GRIA2: variants seen among roughly 807,000 people sequenced by gnomAD.
GRIA2 encodes the protein glutamate receptor 2.
A neutral mutation model predicts 97.3 loss-of-function variants in GRIA2; 14 were observed. The ratio of observed to expected loss-of-function variants is 0.14; its 90% confidence interval spans 0.10 to 0.23. The LOEUF is 0.23. Ranked by LOEUF, GRIA2 falls within the 10% of genes least tolerant of loss-of-function variation. The probability of loss-of-function intolerance (pLI) is 1.00; values close to 1 mark genes in which losing one functional copy is unlikely to be tolerated. For synonymous variants in GRIA2, 412 were observed against 387.8 expected (o/e 1.06, Z -0.73); for missense variants, 558 against 1,069.8 (o/e 0.52, Z 6.67).
intron 3 of GRIA2, among the ~76,000 whole-genome samples, chr4:157,310,880 A>T (rs1477125386): frequency 6.6e-6 from 1 of 152,062 alleles, no homozygotes; most frequent in Non-Finnish European, 1.5e-5. Context: ...AAGTGTGATG[A>T]AATTCAAGTT....
chr4:157,321,455 C>A lies in GRIA2; in HGVS notation c.738C>A (p.Asp246Glu), dbSNP rs563587841. ...IIANLGFTDGDLLKIQFGGAN... is the reference protein window; with the variant it reads ...IIANLGFTDGELLKIQFGGAN... Reference sequence around the variant, plus strand: ...ATGTTTAGGGATTTACTGATGGAGACCTATTAAAAATCCAGTTTGGAGGTG... The same window carrying A: ...ATGTTTAGGGATTTACTGATGGAGAACTATTAAAAATCCAGTTTGGAGGTG... Residue 246 changes from aspartate to glutamate, a missense_variant, in exon 6 of 16, where the codon GAC becomes GAA. By Grantham distance (45) the Asp-to-Glu change is conservative. Coordinates refer to ENST00000264426, the MANE Select transcript of GRIA2 (RefSeq NM_001083619.3). 8.7e-6 allele frequency: 14 copies of A among 1,610,108 alleles called. No individual in the cohort carries two copies. In the African/African-American group the frequency reaches 1.9e-4, roughly 21 times the overall value.
intron 11 of GRIA2, among the ~76,000 whole-genome samples, chr4:157,338,462 C>T (rs1459046739): frequency 1.3e-5 from 2 of 151,900 alleles, no homozygotes; most frequent in Non-Finnish European, 2.9e-5. Flanking sequence ...GAGTGGGAAA[C>T]CTATTTGCAC....
intron 6 of GRIA2, among the ~76,000 whole-genome samples, chr4:157,330,066 C>G (rs1201003796): frequency 6.6e-6 from 1 of 151,964 alleles, no homozygotes; most frequent in Non-Finnish European, 1.5e-5. Context: ...CTGTCTACCT[C>G]AGGCTTGTCA....
intron 12 of GRIA2, among the ~76,000 whole-genome samples, chr4:157,347,474 T>C (rs1735812408): frequency 6.6e-6 from 1 of 151,428 alleles, no homozygotes; most frequent in African/African-American, 2.5e-5. Context: ...ATGAGAACGA[T>C]TAATCTAGAA....
intron 2 of GRIA2, among the ~76,000 whole-genome samples, chr4:157,222,639 G>A (rs1729554010): frequency 1.3e-5 from 2 of 152,220 alleles, no homozygotes; most frequent in Non-Finnish European, 2.9e-5. Context: ...GAGGCAGCCG[G>A]GGAAAAGGAC....
chr4:157,342,553 A>G, intron 12 of GRIA2: 2 of 471,394 alleles, frequency 4.2e-6, no homozygotes, highest in Non-Finnish European at 5.6e-6. Context: ...TGAATCTTGT[A>G]ATGTAGATTT....
intron 2 of GRIA2, among the ~76,000 whole-genome samples, chr4:157,262,425 T>C (rs1252860222): frequency 6.6e-6 from 1 of 152,034 alleles, no homozygotes; most frequent in East Asian, 1.9e-4. Context: ...TAGAAGTTAT[T>C]GGGCCAATCT....
At chr4:157,248,593 G>A (rs13114060) in intron 2 of GRIA2, among the ~76,000 whole-genome samples, 58 of 2,466 alleles carry the variant, frequency 0.024, no homozygotes, top group South Asian at 0.081. Flanking sequence ...GTGTATATAT[G>A]TATATATATG....
Position 157,327,589 on chromosome 4 carries a change from AT to A in GRIA2, c.883-5225del, listed in dbSNP as rs1221979906. On this transcript the variant is annotated intron_variant, in intron 6 of 15. Transcript: ENST00000264426. ...TTCTATTTTTAGACTGATTTTTAGTATTTTTAATGTCTCCAACATCGTGTAA... is the reference window on the plus strand; with the variant it reads ...TTCTATTTTTAGACTGATTTTTAGTATTTTAATGTCTCCAACATCGTGTAA... Among the ~76,000 whole-genome samples, 5 of 152,122 alleles carry A rather than the reference AT, an allele frequency of 3.3e-5. No homozygotes were observed. The East Asian group carries it at 5.8e-4, about 18-fold the overall frequency.
At chr4:157,296,215 T>C (rs1466675896) in intron 2 of GRIA2, among the ~76,000 whole-genome samples, 1 of 152,138 alleles carries the variant, frequency 6.6e-6, no homozygotes, top group Non-Finnish European at 1.5e-5. Flanking sequence ...TTTTTTCCTA[T>C]TAGGAGAATG....
intron 12 of GRIA2, among the ~76,000 whole-genome samples, chr4:157,358,233 A>G (rs1736478487): frequency 6.6e-6 from 1 of 152,186 alleles, no homozygotes; most frequent in African/African-American, 2.4e-5. Flanking sequence ...ACAAACAAGC[A>G]GTTTCTACAG....
At position 157,363,502 on chromosome 4, in the gene GRIA2, GAC is replaced by G; in HGVS notation, c.*72_*73del. 1 of 1,238,316 alleles carries G rather than the reference GAC, an allele frequency of 8.1e-7. No individual in the cohort carries two copies. The highest frequency in any genetic ancestry group is 1.5e-5 in the African/African-American group (1 of 64,566). The allele number at this position is 1,238,316 out of a possible 1,614,324, so 76.7% of individuals were successfully genotyped here. ...ATTACAGGAAGTACTGGAGAAAATGGACGTGTTATGACTCCAGAATTTCCCAA... is the reference window on the plus strand; with the variant it reads ...ATTACAGGAAGTACTGGAGAAAATGGGTGTTATGACTCCAGAATTTCCCAA... On this transcript the variant is annotated 3_prime_UTR_variant, in exon 16 of 16. Transcript: ENST00000264426.
intron 2 of GRIA2, among the ~76,000 whole-genome samples, chr4:157,300,742 G>T (rs1459959678): frequency 6.6e-6 from 1 of 152,114 alleles, no homozygotes; most frequent in East Asian, 1.9e-4. Context: ...TAGCTGAAGT[G>T]CATGGGGAAA....
chr4:157,360,044 A>G lies in GRIA2; in HGVS notation c.2192A>G (p.Glu731Gly). 7 of 1,613,988 alleles carry G rather than the reference A, an allele frequency of 4.3e-6. No individual in the cohort carries two copies. The highest frequency in any genetic ancestry group is 5.9e-6 in the Non-Finnish European group (7 of 1,179,916). Residue 731 changes from glutamate (E) to glycine (G), a missense_variant, in exon 13 of 16, where the codon GAG becomes GGG. Coordinates refer to ENST00000264426, the MANE Select transcript of GRIA2 (RefSeq NM_001083619.3). ...YAYLLESTMN[E>G]YIEQRKPCDT... is the part of the protein sequence containing the mutation. ...TACTTGTTGGAGTCCACGATGAACG[A>G]GTACATTGAGCAAAGGAAGCCTTGC... is the stretch of plus-strand genomic sequence containing the variant.
chr4:157,234,370 A>T (rs1283218851), intron 2 of GRIA2, among the ~76,000 whole-genome samples: 1 of 152,108 alleles, frequency 6.6e-6, no homozygotes, highest in Admixed American at 6.6e-5. Context: ...TTCAAGCTGA[A>T]AATAGAGGCT....
At chr4:157,312,276 T>C (rs1483124015) in intron 3 of GRIA2, among the ~76,000 whole-genome samples, 1 of 152,120 alleles carries the variant, frequency 6.6e-6, no homozygotes, top group Non-Finnish European at 1.5e-5. Flanking sequence ...TAATATCAAA[T>C]GACAGACTAT....
At chr4:157,266,652 G>A (rs146937459) in intron 2 of GRIA2, among the ~76,000 whole-genome samples, 44 of 152,172 alleles carry the variant, frequency 2.9e-4, no homozygotes, top group African/African-American at 1.0e-3. Context: ...ATCAGGTGTG[G>A]GCCATGGACT....
Position 157,299,533 on chromosome 4 carries a change from C to T in GRIA2, c.230-4019C>T, listed in dbSNP as rs180894812. The stretch of plus-strand genomic sequence containing the variant: ...TCTCCCTTTCTACTCAATAACTATG[C>T]GAGGCTATTTAGATTTTGTTCAGCA... On this transcript the variant is annotated intron_variant, in intron 2 of 15. Coordinates refer to ENST00000264426, the MANE Select transcript of GRIA2 (RefSeq NM_001083619.3). Among the ~76,000 whole-genome samples, 273 of 152,142 alleles carry T rather than the reference C, an allele frequency of 1.8e-3. 2 individuals carry two copies. Among genetic ancestry groups the T allele is most frequent in the African/African-American group, 6.3e-3 (263 of 41,520 alleles).
intron 2 of GRIA2, among the ~76,000 whole-genome samples, chr4:157,286,506 C>T (rs1732851890): frequency 6.6e-6 from 1 of 151,282 alleles, no homozygotes; most frequent in African/African-American, 2.4e-5. Flanking sequence ...TAAGAGCTAG[C>T]TTTTACTATA....
Sources: allele counts gnomAD v4.1 joint callset (sites outside exome capture counted in the v4.1 genomes callset), GRCh38; gene constraint gnomAD v4.1.1; transcripts MANE v1.5; gene names NCBI Gene and HGNC (gene_info 2026-07-23, HGNC 2026-07-21).